CHRM3: variants seen among roughly 807,000 people sequenced by gnomAD.
CHRM3 encodes cholinergic receptor muscarinic 3, also known as muscarinic acetylcholine receptor M3.
A neutral mutation model predicts 41.8 loss-of-function variants in CHRM3; 11 were observed. The ratio of observed to expected loss-of-function variants is 0.26; its 90% CI spans 0.17 to 0.44. The LOEUF (loss-of-function observed/expected upper bound fraction) is 0.44, where lower values mean the gene tolerates loss of function less well. CHRM3 is among the 20% of genes least tolerant of loss of function. The probability of loss-of-function intolerance (pLI) is 1.00; values close to 1 mark genes in which losing one functional copy is unlikely to be tolerated. For synonymous variants in CHRM3, 297 were observed against 301.4 expected, an observed-to-expected ratio of 0.99 and a Z score of 0.15; for missense variants, 571 against 745.4, an observed-to-expected ratio of 0.77 and a Z score of 2.72.
intron 3 of CHRM3, among the ~76,000 whole-genome samples, chr1:239,550,074 C>T (rs770122929): frequency 1.3e-5 from 2 of 151,968 alleles, no homozygotes; most frequent in Non-Finnish European, 2.9e-5. Context: ...ATGTGACCCT[C>T]TCTCACATGT....
intron 1 of CHRM3, among the ~76,000 whole-genome samples, chr1:239,424,831 G>A (rs776625361): frequency 7.4e-4 from 113 of 152,326 alleles, no homozygotes; most frequent in Non-Finnish European, 1.4e-3. Context: ...GGCTCTTTAA[G>A]CCACATCCAG....
At chr1:239,438,510 A>G (rs1371229314) in intron 1 of CHRM3, among the ~76,000 whole-genome samples, 2 of 152,218 alleles carry the variant, frequency 1.3e-5, no homozygotes, top group African/African-American at 4.8e-5. Context: ...GTTCACTTCT[A>G]TATTTTACTT....
intron 3 of CHRM3, among the ~76,000 whole-genome samples, chr1:239,587,154 C>T (rs964943301): frequency 6.6e-6 from 1 of 152,164 alleles, no homozygotes; most frequent in African/African-American, 2.4e-5. Context: ...TTTCTGACCA[C>T]CCTCTGGCAA....
At chr1:239,644,684 C>T (rs759597326) in intron 4 of CHRM3, among the ~76,000 whole-genome samples, 4 of 152,154 alleles carry the variant, frequency 2.6e-5, no homozygotes, top group Non-Finnish European at 5.9e-5. Context: ...GACTCTTTGA[C>T]ACTGTGCTTT....
chr1:239,519,726 G>A (rs1427830870), intron 2 of CHRM3, among the ~76,000 whole-genome samples: 1 of 145,046 alleles, frequency 6.9e-6, no homozygotes, highest in African/African-American at 2.5e-5. Flanking sequence ...ATTTTCACGT[G>A]GTTAAAAACT....
At chr1:239,705,606 C>G (rs1412822983) in intron 5 of CHRM3, 1 of 152,038 alleles carries the variant, frequency 6.6e-6, no homozygotes, top group African/African-American at 2.4e-5. Context: ...TCCAAATGTC[C>G]CCTTCTTCTA....
intron 5 of CHRM3, among the ~76,000 whole-genome samples, chr1:239,785,266 ACTCT>A (rs1240767193): frequency 6.6e-6 from 1 of 151,980 alleles, no homozygotes; most frequent in Non-Finnish European, 1.5e-5. Context: ...TTGTAGATAA[ACTCT>A]CTGTGATTTC....
chr1:239,589,326 C>G (rs1409959786), intron 3 of CHRM3, among the ~76,000 whole-genome samples: 1 of 151,878 alleles, frequency 6.6e-6, no homozygotes, highest in Non-Finnish European at 1.5e-5. Flanking sequence ...TTAATATCTA[C>G]TACATCTCTC....
rs539690056 is a variant in CHRM3 at position 239,652,470 on chromosome 1, A to G, written c.-250+20184A>G. On this transcript the variant is annotated intron_variant, in intron 4 of 6. Coordinates refer to ENST00000676153, the MANE Select transcript of CHRM3 (RefSeq NM_001375978.1). ...TGAGAGATAAATAAGATAGTTACAT[A>G]TAAAGTGTTTATGTAGTGCCTACCT... is the stretch of plus-strand genomic sequence containing the variant. 3.0e-4 allele frequency among the ~76,000 whole-genome samples: 45 copies of G among 152,322 alleles called. No individual in the cohort carries two copies. The South Asian group carries it at 8.9e-3, about 30-fold the overall frequency.
chr1:239,859,504 C>T (rs1283530601), intron 6 of CHRM3, among the ~76,000 whole-genome samples: 2 of 149,888 alleles, frequency 1.3e-5, no homozygotes, highest in Non-Finnish European at 3.0e-5. Flanking sequence ...CTGCTCACTG[C>T]AAACTCCGCC....
intron 5 of CHRM3, among the ~76,000 whole-genome samples, chr1:239,702,874 G>A (rs1053113067): frequency 1.3e-5 from 2 of 152,176 alleles, no homozygotes; most frequent in African/African-American, 2.4e-5. Flanking sequence ...CTTTCTTTGT[G>A]TGTCCTGATT....
chr1:239,909,418 A>AAAT lies in CHRM3; in HGVS notation c.*196_*197insTAA. ...GAAAAAGTCAATACCAATTCAGCAA[A>AAAT]AAGAAAAAAAAAACATACTACTGAA... On this transcript the variant is annotated 3_prime_UTR_variant, in exon 7 of 7. Transcript: ENST00000676153. 2.0e-5 allele frequency: 9 copies of AAAT among 446,962 alleles called. No homozygotes were observed. The highest frequency in any genetic ancestry group is 2.4e-5 in the Non-Finnish European group (6 of 253,386). The allele number at this position is 446,962 out of a possible 1,614,324, so 27.7% of individuals were successfully genotyped here.
rs143070895 is a variant in CHRM3, at chr1:239,643,568, G to A, written c.-250+11282G>A. Among the ~76,000 whole-genome samples, 910 of 152,304 alleles carry A rather than the reference G, an allele frequency of 6.0e-3. 10 individuals are homozygous for A. Among genetic ancestry groups the A allele is most frequent in the Non-Finnish European group, 8.5e-3 (580 of 68,036 alleles). On this transcript the variant is annotated intron_variant, in intron 4 of 6. Transcript: ENST00000676153. ...AGACTCCGTGGGCGTAGGACCCTCC[G>A]AGCCAGGTGCGGGATATAATCTCCT...
rs532096065 is a variant in CHRM3 at position 239,470,899 on chromosome 1, T to A, written c.-520-21810T>A. On this transcript the variant is annotated intron_variant, in intron 1 of 6. Coordinates refer to ENST00000676153, the MANE Select transcript of CHRM3 (RefSeq NM_001375978.1). Reference sequence around the variant, plus strand: ...CTTCAGGCTCTGGTTTACAGATGACTTGGCTAAAAAAGTGAATGGATTCAG... The same window carrying A: ...CTTCAGGCTCTGGTTTACAGATGACATGGCTAAAAAAGTGAATGGATTCAG... 1.3e-4 allele frequency among the ~76,000 whole-genome samples: 20 copies of A among 152,342 alleles called. No individual in the cohort carries two copies. In the South Asian group the frequency reaches 3.3e-3, roughly 25 times the overall value.
chr1:239,894,607 G>A (rs2116374), intron 6 of CHRM3, among the ~76,000 whole-genome samples: 134,102 of 151,936 alleles, frequency 0.88, 59,391 homozygotes, highest in African/African-American at 0.96. Flanking sequence ...TAATTTTTTT[G>A]TTTTTAGTAG....
intron 5 of CHRM3, among the ~76,000 whole-genome samples, chr1:239,749,346 C>A (rs1383362669): frequency 6.6e-6 from 1 of 152,134 alleles, no homozygotes; most frequent in Non-Finnish European, 1.5e-5. Flanking sequence ...GTCCTTACCA[C>A]TTAAACTCTG....
chr1:239,644,022 TTA>T (rs1671500731), intron 4 of CHRM3, among the ~76,000 whole-genome samples: 1 of 152,202 alleles, frequency 6.6e-6, no homozygotes, highest in South Asian at 2.1e-4. Flanking sequence ...GTAATTGAAA[TTA>T]TGTTTAAAGA....
At chr1:239,493,320 A>G (rs887323750) in intron 2 of CHRM3, among the ~76,000 whole-genome samples, 9 of 152,148 alleles carry the variant, frequency 5.9e-5, no homozygotes, top group African/African-American at 2.2e-4. Context: ...CTAGGTTCCT[A>G]TTAGAAGAAC....
intron 2 of CHRM3, among the ~76,000 whole-genome samples, chr1:239,543,792 G>A (rs986977635): frequency 1.4e-4 from 21 of 152,066 alleles, no homozygotes; most frequent in African/African-American, 3.9e-4. Context: ...ACAGGTGCGA[G>A]CCACCGCGCC....
Sources: gnomAD v4.1 joint callset for allele counts (sites outside exome capture counted in the v4.1 genomes callset) on GRCh38, gnomAD v4.1.1 for gene constraint, MANE v1.5 for transcripts, NCBI Gene and HGNC (gene_info 2026-07-23, HGNC 2026-07-21) for gene names.